The following FUT9 variants were observed in gnomAD, a reference collection of about 807,000 sequenced individuals.
The protein encoded by FUT9 is fucosyltransferase 9, also known as 4-galactosyl-N-acetylglucosaminide 3-alpha-L-fucosyltransferase 9.
FUT9 carries 15 observed loss-of-function variants against 29.7 expected under a neutral mutation model. That is an observed-to-expected ratio of 0.51 (90% CI 0.34 to 0.78). The LOEUF is 0.78. FUT9 is among the 30% of genes least tolerant of loss of function. The probability of loss-of-function intolerance (pLI) is 0.01; values close to 1 mark genes in which losing one functional copy is unlikely to be tolerated. For synonymous variants in FUT9, 169 were observed against 153.7 expected (o/e 1.10, Z -0.74); for missense variants, 319 against 425.4 (o/e 0.75, Z 2.20).
At chr6:96,060,704 T>C (rs186139232) in intron 1 of FUT9, among the ~76,000 whole-genome samples, 146 of 152,146 alleles carry the variant, frequency 9.6e-4, no homozygotes, top group African/African-American at 2.7e-3. Context: ...ACCCAGCTAA[T>C]TTTTGTATTT....
intron 2 of FUT9, among the ~76,000 whole-genome samples, chr6:96,152,237 T>C (rs1174344355): frequency 6.6e-6 from 1 of 152,222 alleles, no homozygotes; most frequent in East Asian, 1.9e-4. Flanking sequence ...CTGTATATGC[T>C]GGTAACATCC....
chr6:96,044,658 G>T (rs1462957161), intron 1 of FUT9, among the ~76,000 whole-genome samples: 1 of 151,914 alleles, frequency 6.6e-6, no homozygotes, highest in Non-Finnish European at 1.5e-5. Context: ...TTTTCCCCCT[G>T]ATTTAAACAC....
chr6:96,181,811 C>T (rs996327978), intron 2 of FUT9, among the ~76,000 whole-genome samples: 1 of 151,954 alleles, frequency 6.6e-6, no homozygotes. Flanking sequence ...CCCACAGTTT[C>T]TTTATCCACT....
Position 96,205,956 on chromosome 6 carries a change from C to T in FUT9, c.*1721C>T, listed in dbSNP as rs1212106984. 7 of 166,894 alleles carry T rather than the reference C, an allele frequency of 4.2e-5. No individual in the cohort carries two copies. Among genetic ancestry groups the T allele is most frequent in the South Asian group, 2.1e-4 (1 of 4,814 alleles). The allele number at this position is 166,894 out of a possible 1,614,324, so 10.3% of individuals were successfully genotyped here. A position where few individuals can be genotyped will look rare whatever the true frequency, so the allele number is the denominator to read the frequency against. On this transcript the variant is annotated 3_prime_UTR_variant, in exon 3 of 3. Coordinates refer to ENST00000302103, the MANE Select transcript of FUT9 (RefSeq NM_006581.4). ...TTGATTCTCAGGTATATTTCTTAAG[C>T]CAAGATTGAATGCAGTGTCAGGCAC...
chr6:96,165,925 T>C (rs1251004753), intron 2 of FUT9, among the ~76,000 whole-genome samples: 3 of 152,242 alleles, frequency 2.0e-5, no homozygotes, highest in Non-Finnish European at 4.4e-5. Context: ...CTTGTTTTTA[T>C]ATTATTCTGT....
At chr6:96,140,696 C>T (rs886597941) in intron 2 of FUT9, among the ~76,000 whole-genome samples, 1 of 152,090 alleles carries the variant, frequency 6.6e-6, no homozygotes, top group Non-Finnish European at 1.5e-5. Flanking sequence ...CTTTATAAAA[C>T]CATCAGATCT....
intron 2 of FUT9, among the ~76,000 whole-genome samples, chr6:96,135,363 A>G (rs1308650362): frequency 6.6e-6 from 1 of 151,950 alleles, no homozygotes; most frequent in Non-Finnish European, 1.5e-5. Flanking sequence ...GTAGCCTCAG[A>G]CAATGTCCTA....
At chr6:96,190,496 G>C (rs1332691306) in intron 2 of FUT9, among the ~76,000 whole-genome samples, 1 of 152,176 alleles carries the variant, frequency 6.6e-6, no homozygotes, top group East Asian at 1.9e-4. Flanking sequence ...ATACCCTGCA[G>C]ATTGTTTTCC....
chr6:96,016,564 G>C (rs921443039), intron 1 of FUT9, among the ~76,000 whole-genome samples: 2 of 152,126 alleles, frequency 1.3e-5, no homozygotes, highest in Non-Finnish European at 2.9e-5. Context: ...CCTTATGCCA[G>C]TGCACAAACG....
At chr6:96,018,183 TTC>T (rs57576817) in intron 1 of FUT9, among the ~76,000 whole-genome samples, 14,347 of 152,098 alleles carry the variant, frequency 0.094, 1,843 homozygotes, top group African/African-American at 0.28. Context: ...TTCAAAGCTG[TTC>T]TCATTTGGGT....
chr6:96,195,658 A>G (rs944323836), intron 2 of FUT9, among the ~76,000 whole-genome samples: 12 of 152,226 alleles, frequency 7.9e-5, no homozygotes, highest in African/African-American at 2.7e-4. Context: ...GAGACAGAAT[A>G]TAATTTGGTG....
chr6:96,037,068 AT>A lies in FUT9; in HGVS notation c.-98+20859del, dbSNP rs544391006. On this transcript the variant is annotated intron_variant, in intron 1 of 2. Transcript: ENST00000302103. ...CCAAGAGCCTGCGAATCTCTGGGAC[AT>A]TTATCCACAGGTTTTAGGATTCTAT... The A allele has an allele frequency of 1.2e-3, 185 of 152,164 alleles. 1 individual carries two copies. The highest frequency in any genetic ancestry group is 4.3e-3 in the African/African-American group (179 of 41,542). 9.4% of individuals were successfully genotyped at this position (152,164 alleles called of 1,614,324 possible).
chr6:96,048,541 T>C (rs1022931361), intron 1 of FUT9, among the ~76,000 whole-genome samples: 1 of 152,142 alleles, frequency 6.6e-6, no homozygotes, highest in Non-Finnish European at 1.5e-5. Context: ...AAAGGATAAA[T>C]GGTACTCCCA....
intron 2 of FUT9, among the ~76,000 whole-genome samples, chr6:96,134,262 A>AT (rs60338122): frequency 6.6e-6 from 1 of 151,812 alleles, no homozygotes; most frequent in South Asian, 2.1e-4. Flanking sequence ...AGCTAATAAC[A>AT]TTTTTTTCAC....
Position 96,035,329 on chromosome 6 carries a change from G to A in FUT9, c.-98+19117G>A, listed in dbSNP as rs556484885. Reference sequence around the variant, plus strand: ...TGGTATGACAAAAAAGTGCATAAATGCATTGAAAACAAATTATTTACTCCC... The same window carrying A: ...TGGTATGACAAAAAAGTGCATAAATACATTGAAAACAAATTATTTACTCCC... On this transcript the variant is annotated intron_variant, in intron 1 of 2. Transcript: ENST00000302103. Among the ~76,000 whole-genome samples, 180 of 151,318 alleles carry A rather than the reference G, an allele frequency of 1.2e-3. 1 individual carries two copies. The highest frequency in any genetic ancestry group is 4.1e-3 in the African/African-American group (168 of 41,352).
chr6:96,052,729 C>T (rs1770692363), intron 1 of FUT9, among the ~76,000 whole-genome samples: 1 of 151,902 alleles, frequency 6.6e-6, no homozygotes, highest in African/African-American at 2.4e-5. Flanking sequence ...GGGGAAATGA[C>T]TACACTATAA....
At chr6:96,113,830 G>A in intron 1 of FUT9, among the ~76,000 whole-genome samples, 1 of 146,654 alleles carries the variant, frequency 6.8e-6, no homozygotes, top group Non-Finnish European at 1.5e-5. Context: ...CTCCAGCCTG[G>A]GCCACAGAGC....
At chr6:96,019,078 C>G (rs184298256) in intron 1 of FUT9, among the ~76,000 whole-genome samples, 1 of 151,884 alleles carries the variant, frequency 6.6e-6, no homozygotes, top group South Asian at 2.1e-4. Context: ...TAAAATAAAG[C>G]CTTTTATTCC....
intron 1 of FUT9, among the ~76,000 whole-genome samples, chr6:96,045,165 G>A (rs538231275): frequency 4.7e-4 from 71 of 152,090 alleles, no homozygotes; most frequent in Non-Finnish European, 7.8e-4. Context: ...ATACTGAGGG[G>A]GCAAACCAAG....
Sources: gnomAD v4.1 joint callset for allele counts (sites outside exome capture counted in the v4.1 genomes callset) on GRCh38, gnomAD v4.1.1 for gene constraint, MANE v1.5 for transcripts, NCBI Gene and HGNC (gene_info 2026-07-23, HGNC 2026-07-21) for gene names.